Variants in IPO7 observed in about 807,000 individuals in gnomAD.
IPO7 encodes importin-7.
In IPO7, 13 loss-of-function variants were observed where a neutral mutation model predicts 136.4. The observed-to-expected ratio is 0.10, with a 90% CI of 0.06 to 0.15. IPO7 has a LOEUF of 0.15. Among genes scored for constraint, IPO7 ranks in the 10% least tolerant of loss-of-function variants. The pLI, the probability that IPO7 is intolerant of heterozygous loss-of-function variation, is 1.00. For missense variants in IPO7, 857 were observed against 1,240.6 expected (o/e 0.69, Z 4.65); for synonymous variants, 403 against 404.4 (o/e 1.00, Z 0.04).
rs1250072278 is a variant in IPO7 at position 9,424,901 on chromosome 11, A to T, written c.1142-13A>T. 1 of 1,527,358 alleles carries T rather than the reference A, an allele frequency of 6.5e-7. No individual in the cohort carries two copies. The highest frequency in any genetic ancestry group is 1.4e-5 in the African/African-American group (1 of 72,302). The allele number at this position is 1,527,358 out of a possible 1,614,324, so 94.6% of individuals were successfully genotyped here. The stretch of plus-strand genomic sequence containing the variant: ...TTAATGTTTATTGTCTTAATTTTAA[A>T]CTTGTTCTCTAGATGTGTTTGAAGA... On this transcript the variant is annotated splice_polypyrimidine_tract_variant and intron_variant, in intron 10 of 24. Transcript: ENST00000379719.
At chr11:9,436,829 C>T (rs11826606) in intron 20 of IPO7, among the ~76,000 whole-genome samples, 46,274 of 108,494 alleles carry the variant, frequency 0.43, 9,714 homozygotes, top group Middle Eastern at 0.58. Context: ...TACACCACCA[C>T]AACCGCCTGA....
intron 12 of IPO7, among the ~76,000 whole-genome samples, chr11:9,426,231 G>C (rs527457459): frequency 2.0e-5 from 3 of 152,136 alleles, no homozygotes; most frequent in Non-Finnish European, 4.4e-5. Context: ...TTTTTCTATG[G>C]ATTTGTTTAT....
chr11:9,403,261 A>G lies in IPO7; in HGVS notation c.85-29A>G, dbSNP rs1208165486. 4 of 1,457,028 alleles carry G rather than the reference A, an allele frequency of 2.7e-6. No homozygotes were observed. The African/African-American group carries it at 4.2e-5, about 15-fold the overall frequency. The allele number at this position is 1,457,028 out of a possible 1,614,324, so 90.3% of individuals were successfully genotyped here. On this transcript the variant is annotated intron_variant, in intron 1 of 24. Coordinates refer to ENST00000379719, the MANE Select transcript of IPO7 (RefSeq NM_006391.3). ...ATTTTAAAGTATATTTATTTGCAGAAGTTTAAAATGGACTTTTTTTCTTTG... is the reference window on the plus strand; with the variant it reads ...ATTTTAAAGTATATTTATTTGCAGAGGTTTAAAATGGACTTTTTTTCTTTG...
At chr11:9,420,082 G>A (rs545273314) in intron 6 of IPO7, among the ~76,000 whole-genome samples, 1 of 152,320 alleles carries the variant, frequency 6.6e-6, no homozygotes, top group East Asian at 1.9e-4. Context: ...CCAGCACTTT[G>A]GGAGGCGGAG....
At chr11:9,417,737 AGT>A (rs1279341011) in intron 6 of IPO7, among the ~76,000 whole-genome samples, 1 of 148,654 alleles carries the variant, frequency 6.7e-6, no homozygotes. Context: ...TTTAAGCTGA[AGT>A]TTCGCTCTTG....
At chr11:9,428,877 A>C (rs1254900109) in intron 13 of IPO7, 154 bp from the exon 14 acceptor site, 1 of 810,182 alleles carries the variant, frequency 1.2e-6, no homozygotes, top group Non-Finnish European at 2.2e-6. Context: ...CCAAAGAGTA[A>C]CTTGGGATCA....
intron 1 of IPO7, among the ~76,000 whole-genome samples, chr11:9,388,957 T>G (rs192701478): frequency 6.6e-6 from 1 of 152,294 alleles, no homozygotes; most frequent in East Asian, 1.9e-4. Flanking sequence ...TTCCTTGATT[T>G]CCCAGTAATA....
Position 9,433,499 on chromosome 11 carries a change from A to G in IPO7, c.1882-71A>G. 1.1e-5 allele frequency: 11 copies of G among 1,009,824 alleles called. No individual in the cohort carries two copies. In the South Asian group the frequency reaches 1.5e-4, roughly 13 times the overall value. The allele number at this position is 1,009,824 out of a possible 1,614,324, so 62.6% of individuals were successfully genotyped here. A position where few individuals can be genotyped will look rare whatever the true frequency, so the allele number is the denominator to read the frequency against. On this transcript the variant is annotated intron_variant, in intron 16 of 24. Transcript: ENST00000379719. ...ACTTTATATTTAAGTGTACTGAATT[A>G]TAATATGCGTTGTCTTACTAAGTCA...
chr11:9,418,505 G>T (rs1043531484), intron 6 of IPO7, among the ~76,000 whole-genome samples: 2 of 152,126 alleles, frequency 1.3e-5, no homozygotes, highest in Non-Finnish European at 2.9e-5. Flanking sequence ...TCGCATAAGT[G>T]AGACCAAAGT....
chr11:9,436,838 G>A (rs1285216877), intron 20 of IPO7, among the ~76,000 whole-genome samples: 1 of 44,330 alleles, frequency 2.3e-5, no homozygotes. Flanking sequence ...ACAACCGCCT[G>A]ATTTTATATA....
At chr11:9,436,870 T>TATATATATATA (rs1855383009) in intron 20 of IPO7, among the ~76,000 whole-genome samples, 8 of 12,938 alleles carry the variant, frequency 6.2e-4, no homozygotes, top group Admixed American at 1.5e-3. Context: ...ATATATATAT[T>TATATATATATA]TTTTTTTTTT....
At position 9,437,775 on chromosome 11, in the gene IPO7, G is replaced by A. The variant is rs1320457665; in HGVS notation, c.2290G>A (p.Ala764Thr). 6.2e-7 allele frequency: 1 copy of A among 1,613,346 alleles called. No individual in the cohort carries two copies. The highest frequency in any genetic ancestry group is 2.2e-5 in the East Asian group (1 of 44,854). Residue 764 changes from alanine to threonine, a missense_variant, in exon 21 of 25, where the codon GCA becomes ACA. By Grantham distance (58) the Ala-to-Thr change is moderately conservative. Around this residue, in one of 11 missense-constraint regions of IPO7, gnomAD observed 190 missense variants for 249.0 expected, o/e 0.76. Transcript: ENST00000379719. Reference sequence around the variant, plus strand: ...GTAGTGCATTCCCTTATTCGTGGAAGCAGCCTTAGAAAGACTGACAAGAGA... The same window carrying A: ...GTAGTGCATTCCCTTATTCGTGGAAACAGCCTTAGAAAGACTGACAAGAGA... ...IDQCIPLFVEAALERLTREVK... is the reference protein window; with the variant it reads ...IDQCIPLFVETALERLTREVK...
chr11:9,388,432 C>T (rs1400794273), intron 1 of IPO7, among the ~76,000 whole-genome samples: 1 of 151,784 alleles, frequency 6.6e-6, no homozygotes, highest in Non-Finnish European at 1.5e-5. Context: ...ACCTCGGCCT[C>T]CCAAAGTGCT....
In IPO7 at chr11:9,435,002, C is replaced by T; in HGVS notation, c.2143C>T (p.Leu715Phe). ...CACACTTCTGTCTGACACCAAGTAT[C>T]TTGAAATGATATACAGTATGTGCAA... ...TDTLLSDTKY[L>F]EMIYSMCKKV... Residue 715 changes from leucine to phenylalanine, a missense_variant, in exon 19 of 25, where the codon CTT becomes TTT. This residue lies in a region of IPO7 where 190 missense variants were observed against 249.0 expected (regional missense o/e 0.76). Coordinates refer to ENST00000379719, the MANE Select transcript of IPO7 (RefSeq NM_006391.3). 1 of 1,605,764 alleles carries T rather than the reference C, an allele frequency of 6.2e-7. No individual in the cohort carries two copies. Among genetic ancestry groups the T allele is most frequent in the South Asian group, 1.1e-5 (1 of 90,888 alleles).
intron 6 of IPO7, among the ~76,000 whole-genome samples, chr11:9,418,251 C>G (rs1855070195): frequency 6.8e-6 from 1 of 147,882 alleles, no homozygotes; most frequent in South Asian, 2.1e-4. Context: ...TTTTATTTTT[C>G]ATAGAGACAG....
At position 9,423,276 on chromosome 11, in the gene IPO7, C is replaced by G. The variant is rs548054331; in HGVS notation, c.1041+136C>G. 1.5e-5 allele frequency: 8 copies of G among 530,518 alleles called. No homozygotes were observed. The African/African-American group carries it at 1.5e-4, about 10-fold the overall frequency. The allele number at this position is 530,518 out of a possible 1,614,324, so 32.9% of individuals were successfully genotyped here. A position where few individuals can be genotyped will look rare whatever the true frequency, so the allele number is the denominator to read the frequency against. Reference sequence around the variant, plus strand: ...TCTGGTGATTGTTTTGAGAGTATAGCAGAAAAAGGAGATAAGACAGTGACA... The same window carrying G: ...TCTGGTGATTGTTTTGAGAGTATAGGAGAAAAAGGAGATAAGACAGTGACA... On this transcript the variant is annotated intron_variant, in intron 9 of 24. Coordinates refer to ENST00000379719, the MANE Select transcript of IPO7 (RefSeq NM_006391.3).
chr11:9,396,486 G>A (rs1286434164), intron 1 of IPO7, among the ~76,000 whole-genome samples: 1 of 152,176 alleles, frequency 6.6e-6, no homozygotes, highest in Admixed American at 6.5e-5. Flanking sequence ...GTGGCTTTTA[G>A]TATGTTCACA....
intron 1 of IPO7, among the ~76,000 whole-genome samples, chr11:9,397,190 G>A (rs1233128234): frequency 2.7e-5 from 4 of 150,406 alleles, no homozygotes; most frequent in South Asian, 2.1e-4. Flanking sequence ...TGTGATCATA[G>A]CTCACTGCAG....
At chr11:9,436,986 A>G (rs1855386018) in intron 20 of IPO7, among the ~76,000 whole-genome samples, 1 of 137,314 alleles carries the variant, frequency 7.3e-6, no homozygotes, top group South Asian at 2.3e-4. Context: ...CCCAGGTGCA[A>G]GCAGTTCTCT....
Sources: allele counts gnomAD v4.1 joint callset (sites outside exome capture counted in the v4.1 genomes callset), GRCh38; gene constraint gnomAD v4.1.1; regional missense constraint gnomAD v4.1.1; transcripts MANE v1.5; gene names NCBI Gene and HGNC (gene_info 2026-07-23, HGNC 2026-07-21).